REXO5: variants seen among roughly 807,000 people sequenced by gnomAD.
The protein encoded by REXO5 is exonuclease NEF-sp.
In REXO5, 48 loss-of-function variants were observed where a neutral mutation model predicts 88.5. The ratio of observed to expected loss-of-function variants is 0.54; its 90% confidence interval spans 0.43 to 0.69. The LOEUF is 0.69. Ranked by LOEUF, REXO5 falls within the 30% of genes least tolerant of loss-of-function variation. The probability of loss-of-function intolerance (pLI) is 0.00; values close to 1 mark genes in which losing one functional copy is unlikely to be tolerated. For synonymous variants in REXO5, 311 were observed against 336.5 expected, an observed-to-expected ratio of 0.92 and a Z score of 0.83; for missense variants, 749 against 912.2, an observed-to-expected ratio of 0.82 and a Z score of 2.30.
chr16:20,840,795 A>G (rs2081515367), intron 15 of REXO5, among the ~76,000 whole-genome samples: 1 of 152,040 alleles, frequency 6.6e-6, no homozygotes, highest in Non-Finnish European at 1.5e-5. Flanking sequence ...GCAATGTGAG[A>G]CCACATTGCT....
intron 2 of REXO5, among the ~76,000 whole-genome samples, chr16:20,810,847 A>T (rs1270836014): frequency 1.3e-5 from 2 of 151,788 alleles, no homozygotes; most frequent in Non-Finnish European, 2.9e-5. Context: ...TGGCTCCATC[A>T]CCTTGTACCA....
At chr16:20,820,521 TATATATATATATATATATATATA>T (rs2081155176) in intron 5 of REXO5, among the ~76,000 whole-genome samples, 1 of 3,322 alleles carries the variant, frequency 3.0e-4, no homozygotes, top group Non-Finnish European at 7.9e-4. Context: ...TTTATATATA[TATATATATATATATATATATATA>T]TTTTTTTTTT....
chr16:20,814,838 C>T, intron 3 of REXO5, 89 bp from the exon 4 acceptor site: 1 of 1,328,750 alleles, frequency 7.5e-7, no homozygotes, highest in Non-Finnish European at 1.0e-6. Flanking sequence ...CACTGCTTTT[C>T]CTGCGCCTTC....
At chr16:20,827,500 G>A in intron 10 of REXO5, 53 bp downstream of exon 10, 1 of 1,319,328 alleles carries the variant, frequency 7.6e-7, no homozygotes, top group Non-Finnish European at 1.1e-6. Context: ...ATACAAGTTA[G>A]CATGTAGTAT....
intron 2 of REXO5, 31 bp from the exon 3 acceptor site, chr16:20,813,159 T>C (rs554467407): frequency 4.3e-6 from 6 of 1,407,130 alleles, no homozygotes; most frequent in Non-Finnish European, 5.0e-6. Flanking sequence ...TAACCAATAA[T>C]GGCTTGCTAC....
rs941063884 is a variant in REXO5, at chr16:20,806,574, C to G, written c.-134C>G. ...GAGGGGAGAACCTCTGCTCCCCGCC[C>G]GTCTTCTCTTCTGCGTTTCCCGGGC... On this transcript the variant is annotated 5_prime_UTR_variant, in exon 1 of 20. Transcript: ENST00000261377. The G allele has an allele frequency of 4.4e-5, 64 of 1,466,170 alleles. No homozygotes were observed. Among genetic ancestry groups the G allele is most frequent in the East Asian group, 2.6e-4 (10 of 39,082 alleles). 90.8% of individuals were successfully genotyped at this position (1,466,170 alleles called of 1,614,324 possible).
chr16:20,810,068 T>C (rs965734334), intron 2 of REXO5, among the ~76,000 whole-genome samples: 3 of 152,222 alleles, frequency 2.0e-5, no homozygotes, highest in African/African-American at 4.8e-5. Flanking sequence ...TGTCATTACT[T>C]TCTGGCACAA....
intron 15 of REXO5, among the ~76,000 whole-genome samples, chr16:20,841,317 A>T (rs756096486): frequency 3.3e-5 from 5 of 152,198 alleles, no homozygotes; most frequent in African/African-American, 4.8e-5. Context: ...AAGCATATAG[A>T]GACATGGAAG....
intron 18 of REXO5, 28 bp from the exon 19 acceptor site, chr16:20,846,193 G>C: frequency 6.4e-7 from 1 of 1,557,682 alleles, no homozygotes; most frequent in Non-Finnish European, 8.9e-7. Flanking sequence ...TGTTCTGGCT[G>C]AGTATCGACA....
At chr16:20,843,856 T>C in intron 15 of REXO5, 78 bp from the exon 16 acceptor site, 1 of 1,027,442 alleles carries the variant, frequency 9.7e-7, no homozygotes, top group Non-Finnish European at 1.5e-6. Flanking sequence ...GCCACTGTAG[T>C]TTGAATCCTT....
chr16:20,806,426 G>A, upstream of REXO5: 1 of 1,552,948 alleles, frequency 6.4e-7, no homozygotes, highest in Non-Finnish European at 8.7e-7. Flanking sequence ...CCGCTTGGTC[G>A]CCATTCCCGA....
Position 20,845,256 on chromosome 16 carries a change from G to A in REXO5, c.2124+15G>A, listed in dbSNP as rs780609225. ...AGGCCTTGCAGGTGAGTGAGTGAAG[G>A]CGTCTTGGAGAAGATGTCAGGAGAG... On this transcript the variant is annotated intron_variant, in intron 18 of 19. Coordinates refer to ENST00000261377, the MANE Select transcript of REXO5 (RefSeq NM_030941.3). 4 of 1,608,332 alleles carry A rather than the reference G, an allele frequency of 2.5e-6. No individual in the cohort carries two copies. The highest frequency in any genetic ancestry group is 3.4e-6 in the Non-Finnish European group (4 of 1,177,204).
At chr16:20,825,443 C>T (rs2081246374) in intron 7 of REXO5, 1 of 156,674 alleles carries the variant, frequency 6.4e-6, no homozygotes, top group Admixed American at 6.5e-5. Flanking sequence ...TAAAGCCTAC[C>T]TCAAAAGGTA....
In REXO5 at chr16:20,827,427, C is replaced by G. The variant is rs2081276379; in HGVS notation, c.1035C>G (p.Phe345Leu). 1 of 1,613,518 alleles carries G rather than the reference C, an allele frequency of 6.2e-7. No homozygotes were observed. Among genetic ancestry groups the G allele is most frequent in the Non-Finnish European group, 8.5e-7 (1 of 1,179,592 alleles). The change falls in exon 10 of 20, where the codon TTC becomes TTG. Residue 345 changes from phenylalanine (F) to leucine (L), a missense_variant. Physicochemically the swap from Phe to Leu is conservative, Grantham distance 22 (BLOSUM62 0). Coordinates refer to ENST00000261377, the MANE Select transcript of REXO5 (RefSeq NM_030941.3). Reference sequence around the variant, plus strand: ...AGGGCAGAAGATTTAAGCTCAAGTTCTTAGCCAAAGTTATTTTGGGGTAGG... The same window carrying G: ...AGGGCAGAAGATTTAAGCTCAAGTTGTTAGCCAAAGTTATTTTGGGGTAGG... The part of the protein sequence containing the change: ...REQGRRFKLK[F>L]LAKVILGKDI...
At chr16:20,830,990 G>GT (rs11337519) in intron 11 of REXO5, among the ~76,000 whole-genome samples, 1,961 of 96,954 alleles carry the variant, frequency 0.02, 64 homozygotes, top group South Asian at 0.039. Context: ...TTCTTTTTCT[G>GT]TTTTTTTTTT....
intron 13 of REXO5, among the ~76,000 whole-genome samples, chr16:20,836,122 C>G (rs997221699): frequency 6.6e-6 from 1 of 152,152 alleles, no homozygotes; most frequent in South Asian, 2.1e-4. Context: ...CAACCTGTAC[C>G]TGGGTAGTAC....
intron 5 of REXO5, among the ~76,000 whole-genome samples, chr16:20,818,342 A>T (rs1157781847): frequency 3.3e-5 from 5 of 152,242 alleles, no homozygotes; most frequent in Admixed American, 3.3e-4. Flanking sequence ...TGCCGGCTAC[A>T]TAATAAAGTT....
chr16:20,837,609 G>T (rs2081453228), intron 13 of REXO5, among the ~76,000 whole-genome samples: 1 of 151,862 alleles, frequency 6.6e-6, no homozygotes, highest in Admixed American at 6.6e-5. Flanking sequence ...TTGACAACTT[G>T]TAGTTGCTTT....
intron 17 of REXO5, 88 bp downstream of exon 17, chr16:20,844,933 G>A (rs2081584257): frequency 6.5e-7 from 1 of 1,538,980 alleles, no homozygotes; most frequent in African/African-American, 1.4e-5. Flanking sequence ...TTCACCTCCT[G>A]GGCTGGACCA....
Sources: allele counts gnomAD v4.1 joint callset (sites outside exome capture counted in the v4.1 genomes callset), GRCh38; gene constraint gnomAD v4.1.1; transcripts MANE v1.5; gene names NCBI Gene and HGNC (gene_info 2026-07-23, HGNC 2026-07-21).